Variants in COL25A1 observed in about 807,000 individuals in gnomAD.
COL25A1 encodes collagen type XXV alpha 1 chain, also known as collagen alpha-1(XXV) chain.
A neutral mutation model predicts 128.4 loss-of-function variants in COL25A1; 103 were observed. The ratio of observed to expected loss-of-function variants is 0.80; its 90% CI spans 0.68 to 0.94. COL25A1 has a LOEUF of 0.94. Ranked by LOEUF, COL25A1 falls within the 40% of genes least tolerant of loss-of-function variation. COL25A1 has a pLI of 0.00. For synonymous variants in COL25A1, 279 were observed against 277.2 expected, an observed-to-expected ratio of 1.01 and a Z score of -0.06; for missense variants, 745 against 840.0, an observed-to-expected ratio of 0.89 and a Z score of 1.40.
intron 8 of COL25A1, among the ~76,000 whole-genome samples, chr4:108,952,422 C>T (rs184592400): frequency 2.1e-3 from 323 of 152,172 alleles, no homozygotes; most frequent in African/African-American, 7.5e-3. Context: ...TAAAAATCTG[C>T]TTAAACCTCC....
chr4:109,030,451 G>C (rs1013235411), intron 5 of COL25A1, among the ~76,000 whole-genome samples: 3 of 152,192 alleles, frequency 2.0e-5, no homozygotes, highest in African/African-American at 7.2e-5. Context: ...GCTGGGCTTT[G>C]GGTGACAGGT....
At chr4:109,121,060 C>G (rs1197913032) in intron 3 of COL25A1, among the ~76,000 whole-genome samples, 1 of 152,018 alleles carries the variant, frequency 6.6e-6, no homozygotes, top group African/African-American at 2.4e-5. Flanking sequence ...CAATCCCAAT[C>G]AAAATCCCAG....
chr4:109,060,586 G>A (rs1183284344), intron 3 of COL25A1, among the ~76,000 whole-genome samples: 1 of 151,538 alleles, frequency 6.6e-6, no homozygotes, highest in East Asian at 1.9e-4. Flanking sequence ...CAATTGTAGT[G>A]ACTTTTCACA....
intron 3 of COL25A1, among the ~76,000 whole-genome samples, chr4:109,111,631 T>G (rs181151413): frequency 6.6e-6 from 1 of 152,184 alleles, no homozygotes; most frequent in African/African-American, 2.4e-5. Context: ...CTGGTAAAAT[T>G]CATCTCAGCT....
intron 22 of COL25A1, 137 bp from the exon 23 acceptor site, chr4:108,861,108 A>T: frequency 1.5e-6 from 1 of 677,012 alleles, no homozygotes; most frequent in South Asian, 1.7e-5. Context: ...ACCACCACCA[A>T]AATAGCAAAT....
At position 108,844,582 on chromosome 4, in the gene COL25A1, A is replaced by C; in HGVS notation, c.1579-13T>G. 1.2e-6 allele frequency: 2 copies of C among 1,606,230 alleles called. No individual in the cohort carries two copies. Among genetic ancestry groups the C allele is most frequent in the Non-Finnish European group, 1.7e-6 (2 of 1,177,850 alleles). On this transcript the variant is annotated splice_polypyrimidine_tract_variant and intron_variant, in intron 29 of 37. Coordinates refer to ENST00000399132, the MANE Select transcript of COL25A1 (RefSeq NM_198721.4). ...GTGGGCCTATGATCTGTATGTCCAA[A>C]AAATAAAAATGTATTTGGTTACTTC...
chr4:109,298,637 T>C (rs987161582), intron 3 of COL25A1, among the ~76,000 whole-genome samples: 1 of 152,234 alleles, frequency 6.6e-6, no homozygotes, highest in African/African-American at 2.4e-5. Flanking sequence ...TAGAAATAAA[T>C]AGTTTTCCCC....
At chr4:108,818,540 G>A (rs1367348852) in intron 36 of COL25A1, among the ~76,000 whole-genome samples, 1 of 152,146 alleles carries the variant, frequency 6.6e-6, no homozygotes, top group African/African-American at 2.4e-5. Context: ...CAAGGAGAAG[G>A]TTCAACCAGC....
At chr4:109,247,804 C>T (rs1780373877) in intron 3 of COL25A1, among the ~76,000 whole-genome samples, 1 of 152,066 alleles carries the variant, frequency 6.6e-6, no homozygotes. Flanking sequence ...TTCACCAGAA[C>T]AGATGACACC....
At chr4:109,045,623 A>G (rs1263335817) in intron 5 of COL25A1, among the ~76,000 whole-genome samples, 1 of 152,146 alleles carries the variant, frequency 6.6e-6, no homozygotes, top group Non-Finnish European at 1.5e-5. Context: ...ATCATAATGT[A>G]TTTTACCCAC....
intron 5 of COL25A1, among the ~76,000 whole-genome samples, chr4:109,017,262 C>T (rs1056474926): frequency 3.9e-5 from 6 of 152,218 alleles, no homozygotes; most frequent in Non-Finnish European, 7.3e-5. Flanking sequence ...AATGGCTGGA[C>T]CCTGGGCTCA....
At chr4:109,280,691 C>G (rs373043244) in intron 3 of COL25A1, among the ~76,000 whole-genome samples, 1 of 150,858 alleles carries the variant, frequency 6.6e-6, no homozygotes, top group Non-Finnish European at 1.5e-5. Context: ...CTTGCTCTGT[C>G]GCCCAGGCTG....
chr4:109,165,660 T>A (rs1772999713), intron 3 of COL25A1, among the ~76,000 whole-genome samples: 1 of 152,150 alleles, frequency 6.6e-6, no homozygotes, highest in South Asian at 2.1e-4. Context: ...GAGGCTGCAG[T>A]GAGCTATGAT....
chr4:109,103,461 C>T (rs1056734504), intron 3 of COL25A1, among the ~76,000 whole-genome samples: 1 of 152,108 alleles, frequency 6.6e-6, no homozygotes, highest in African/African-American at 2.4e-5. Flanking sequence ...TTATTTCCCA[C>T]TTGCTTTTAG....
chr4:109,269,343 T>C (rs916512470), intron 3 of COL25A1, among the ~76,000 whole-genome samples: 7 of 146,266 alleles, frequency 4.8e-5, no homozygotes, highest in African/African-American at 1.8e-4. Flanking sequence ...TGTTGGACAT[T>C]TGGGTTGGTT....
At chr4:109,099,792 G>T (rs1371890032) in intron 3 of COL25A1, among the ~76,000 whole-genome samples, 2 of 151,824 alleles carry the variant, frequency 1.3e-5, no homozygotes, top group African/African-American at 2.4e-5. Context: ...GGCAAAAATA[G>T]TTAATGTGAA....
intron 3 of COL25A1, among the ~76,000 whole-genome samples, chr4:109,185,769 G>A (rs537590087): frequency 9.5e-4 from 144 of 151,860 alleles, no homozygotes; most frequent in Non-Finnish European, 1.8e-3. Context: ...CCCTTTCCCT[G>A]TCCCACTTCC....
chr4:109,020,169 C>T (rs1399114706), intron 5 of COL25A1, among the ~76,000 whole-genome samples: 3 of 152,164 alleles, frequency 2.0e-5, no homozygotes, highest in Admixed American at 2.0e-4. Flanking sequence ...ACTGCATAAT[C>T]TCCCAATGTC....
intron 20 of COL25A1, 134 bp from the exon 21 acceptor site, chr4:108,863,521 TTAA>T: frequency 1.6e-6 from 1 of 625,078 alleles, no homozygotes; most frequent in Non-Finnish European, 2.7e-6. Flanking sequence ...CAGCACTTTA[TTAA>T]TCTCTTAACA....
Sources: gnomAD v4.1 joint callset for allele counts (sites outside exome capture counted in the v4.1 genomes callset) on GRCh38, gnomAD v4.1.1 for gene constraint, MANE v1.5 for transcripts, NCBI Gene and HGNC (gene_info 2026-07-23, HGNC 2026-07-21) for gene names.